Variants in BDH1 observed in about 807,000 individuals in gnomAD.
BDH1 encodes the protein D-beta-hydroxybutyrate dehydrogenase, mitochondrial.
Under a neutral mutation model 33.1 loss-of-function variants are expected in BDH1, and 30 were observed. The ratio of observed to expected loss-of-function variants is 0.91; its 90% CI spans 0.68 to 1.23. BDH1 has a LOEUF of 1.23. BDH1 is among the 50% of genes most tolerant of loss of function. BDH1 has a pLI of 0.00. For synonymous variants in BDH1, 190 were observed against 183.6 expected (o/e 1.03, Z -0.28); for missense variants, 443 against 464.4 (o/e 0.95, Z 0.42).
chr3:197,526,021 C>T lies in BDH1; in HGVS notation c.268-3240G>A, dbSNP rs2108731880. 6.6e-6 allele frequency among the ~76,000 whole-genome samples: 1 copy of T among 152,330 alleles called. No individual in the cohort carries two copies. The highest frequency in any genetic ancestry group is 1.5e-5 in the Non-Finnish European group (1 of 68,026). The stretch of plus-strand genomic sequence containing the variant: ...TGCAACTGGCTTATTGATAAACCCA[C>T]TTCTTTATCTTACTGTCCCTTTCAA... On this transcript the variant is annotated intron_variant, in intron 5 of 7. Transcript: ENST00000392379. This position sits in a 1 kb window ranked among gnomAD's most constrained non-coding sequence, Gnocchi z 4.7.
chr3:197,515,184 T>C (rs1423345338), intron 6 of BDH1, among the ~76,000 whole-genome samples: 1 of 152,360 alleles, frequency 6.6e-6, no homozygotes, highest in South Asian at 2.1e-4. Context: ...TTTCCTTCCG[T>C]GTTACCCAAA....
rs928149799 is a variant in BDH1 at position 197,521,700 on chromosome 3, C to G, written c.409+940G>C. On this transcript the variant is annotated intron_variant, in intron 6 of 7. Coordinates refer to ENST00000392379, the MANE Select transcript of BDH1 (RefSeq NM_203314.3). The surrounding 1 kb of genome is among the most constrained non-coding windows in gnomAD (Gnocchi z 4.9). ...GGTGTCCAGGACAGAGACTTCGCGCCTCACCTCATCCCCACATCCAAGTCA... is the reference window on the plus strand; with the variant it reads ...GGTGTCCAGGACAGAGACTTCGCGCGTCACCTCATCCCCACATCCAAGTCA... Among the ~76,000 whole-genome samples, 5 of 152,176 alleles carry G rather than the reference C, an allele frequency of 3.3e-5. No homozygotes were observed. The highest frequency in any genetic ancestry group is 5.9e-5 in the Non-Finnish European group (4 of 68,024).
At chr3:197,530,099 G>C (rs1405098967) in intron 5 of BDH1, 1 of 152,182 alleles carries the variant, frequency 6.6e-6, no homozygotes, top group Non-Finnish European at 1.5e-5. Context: ...TCTGGGTCAT[G>C]TCCTTAAAGA....
intron 2 of BDH1, among the ~76,000 whole-genome samples, chr3:197,548,107 G>A (rs1716240157): frequency 6.6e-6 from 1 of 152,244 alleles, no homozygotes; most frequent in African/African-American, 2.4e-5. Context: ...GGAGTGGATG[G>A]GAGCTGAGCG....
At chr3:197,569,598 T>C (rs1436057448) in intron 1 of BDH1, among the ~76,000 whole-genome samples, 1 of 152,168 alleles carries the variant, frequency 6.6e-6, no homozygotes, top group Non-Finnish European at 1.5e-5. Context: ...TGAATAAGTT[T>C]CTCCCATACT....
At position 197,512,181 on chromosome 3, in the gene BDH1, C is replaced by T; in HGVS notation, c.746G>A (p.Ser249Asn). 3 of 1,614,094 alleles carry T rather than the reference C, an allele frequency of 1.9e-6. No individual in the cohort carries two copies. Among genetic ancestry groups the T allele is most frequent in the Non-Finnish European group, 2.5e-6 (3 of 1,180,026 alleles). Residue 249 changes from serine (S) to asparagine (N), a missense_variant, in exon 8 of 8, where the codon AGC (serine) becomes AAC (asparagine). By Grantham distance (46) the Ser-to-Asn change is conservative. Transcript: ENST00000392379. ...GGCGATGGCCTGAATGCTCTCAGGG[C>T]TGTAAAGGCTGGTGGCAGCGATGAA... The part of the protein sequence containing the change: ...GNFIAATSLY[S>N]PESIQAIAKK...
chr3:197,567,173 T>C (rs1166650169), intron 1 of BDH1, among the ~76,000 whole-genome samples: 1 of 152,156 alleles, frequency 6.6e-6, no homozygotes, highest in Non-Finnish European at 1.5e-5. Context: ...ATCCTAGCCA[T>C]GAGACACCAG....
Position 197,510,000 on chromosome 3 carries a change from A to AC in BDH1, c.*1894dup, listed in dbSNP as rs1711742166. 6.6e-6 allele frequency: 1 copy of AC among 152,130 alleles called. No homozygotes were observed. The highest frequency in any genetic ancestry group is 1.5e-5 in the Non-Finnish European group (1 of 68,106). The allele number at this position is 152,130 out of a possible 1,614,324, so 9.4% of individuals were successfully genotyped here. ...CCTCCTGGGGCAGCTGGGACAGGGGACCCCTGTTTGAAGACAGCGGGGACA... is the reference window on the plus strand; with the variant it reads ...CCTCCTGGGGCAGCTGGGACAGGGGACCCCCTGTTTGAAGACAGCGGGGACA... On this transcript the variant is annotated 3_prime_UTR_variant, in exon 8 of 8. Transcript: ENST00000392379.
chr3:197,542,238 A>G (rs1005538134), intron 3 of BDH1, among the ~76,000 whole-genome samples: 5 of 152,292 alleles, frequency 3.3e-5, no homozygotes, highest in Admixed American at 6.5e-5. Context: ...CAAAGCCACA[A>G]TGGCCCTAGA....
chr3:197,537,086 T>G (rs1715224669), intron 3 of BDH1, among the ~76,000 whole-genome samples: 1 of 152,156 alleles, frequency 6.6e-6, no homozygotes, highest in African/African-American at 2.4e-5. Flanking sequence ...CCTGCCACAC[T>G]CAAGCAATCT....
At chr3:197,539,761 A>G (rs188428604) in intron 3 of BDH1, among the ~76,000 whole-genome samples, 65 of 152,248 alleles carry the variant, frequency 4.3e-4, no homozygotes, top group African/African-American at 1.5e-3. Context: ...TCAATTTCCC[A>G]TGATTTCCTC....
At chr3:197,558,519 C>A (rs1418546554), upstream of BDH1, among the ~76,000 whole-genome samples, 1 of 151,982 alleles carries the variant, frequency 6.6e-6, no homozygotes. Flanking sequence ...TCCCTCCTTC[C>A]CTATTTGACT....
rs904711452 is a variant in BDH1, at chr3:197,516,626, C to T, written c.410-2210G>A. Among the ~76,000 whole-genome samples the T allele has an allele frequency of 1.3e-5, 2 of 152,106 alleles. No homozygotes were observed. Among genetic ancestry groups the T allele is most frequent in the Non-Finnish European group, 2.9e-5 (2 of 68,022 alleles). On this transcript the variant is annotated intron_variant, in intron 6 of 7. Transcript: ENST00000392379. The surrounding 1 kb of genome is among the most constrained non-coding windows in gnomAD (Gnocchi z 4.2). ...TCTCTCCTCATCCCATCTCCTGTCTCGCTTCCACCTGAATGTCCCACGGGT... is the reference window on the plus strand; with the variant it reads ...TCTCTCCTCATCCCATCTCCTGTCTTGCTTCCACCTGAATGTCCCACGGGT...
chr3:197,555,252 G>A (rs1716921144), intron 1 of BDH1: 1 of 154,466 alleles, frequency 6.5e-6, no homozygotes, highest in Non-Finnish European at 1.4e-5. Context: ...GGACCCCGGA[G>A]GAGGAGGAGG....
chr3:197,571,433 T>C (rs908452175), intron 1 of BDH1, among the ~76,000 whole-genome samples: 2 of 152,200 alleles, frequency 1.3e-5, no homozygotes, highest in Non-Finnish European at 2.9e-5. Flanking sequence ...CCAAATCTCA[T>C]CTTGAATTAT....
At chr3:197,538,545 G>C (rs71325618) in intron 3 of BDH1, 2 of 360,782 alleles carry the variant, frequency 5.5e-6, no homozygotes, top group Admixed American at 6.9e-5. Context: ...AGAGACGGGG[G>C]TTCACCATGT....
At chr3:197,545,272 A>T (rs1243960239) in intron 3 of BDH1, among the ~76,000 whole-genome samples, 1 of 152,230 alleles carries the variant, frequency 6.6e-6, no homozygotes, top group Non-Finnish European at 1.5e-5. Flanking sequence ...GCTCTCAAAG[A>T]AGAACAGCTG....
chr3:197,541,192 G>C (rs775513237), intron 3 of BDH1, among the ~76,000 whole-genome samples: 2 of 152,178 alleles, frequency 1.3e-5, no homozygotes, highest in African/African-American at 2.4e-5. Flanking sequence ...AGCACTTGGG[G>C]AGCTTGTTAA....
In BDH1 at chr3:197,510,054, T is replaced by C. The variant is rs1711747060; in HGVS notation, c.*1841A>G. 1 of 152,258 alleles carries C rather than the reference T, an allele frequency of 6.6e-6. No homozygotes were observed. The allele number at this position is 152,258 out of a possible 1,614,324, so 9.4% of individuals were successfully genotyped here. On this transcript the variant is annotated 3_prime_UTR_variant, in exon 8 of 8. Coordinates refer to ENST00000392379, the MANE Select transcript of BDH1 (RefSeq NM_203314.3). ...GCCCGGGAGGCAGCTGAATTGCCCA[T>C]TGTGAGGCCCTTCTTCCTTGGCACT...
Sources: gnomAD v4.1 joint callset for allele counts (sites outside exome capture counted in the v4.1 genomes callset) on GRCh38, gnomAD v4.1.1 for gene constraint, Gnocchi (gnomAD v3.1) non-coding constraint, MANE v1.5 for transcripts, NCBI Gene and HGNC (gene_info 2026-07-23, HGNC 2026-07-21) for gene names.